APBA2: variants seen among roughly 807,000 people sequenced by gnomAD.
The protein encoded by APBA2 is amyloid-beta A4 precursor protein-binding family A member 2.
Under a neutral mutation model 75.0 loss-of-function variants are expected in APBA2, and 30 were observed. That is an observed-to-expected ratio of 0.40 (90% CI 0.30 to 0.54). The LOEUF (loss-of-function observed/expected upper bound fraction) is 0.54. APBA2 is among the 20% of genes least tolerant of loss of function. The probability of loss-of-function intolerance (pLI) is 0.49; values close to 1 mark genes in which losing one functional copy is unlikely to be tolerated. For missense variants in APBA2, 801 were observed against 1,016.1 expected (o/e 0.79, Z 2.88); for synonymous variants, 444 against 409.6 (o/e 1.08, Z -1.01).
chr15:29,093,037 C>G (rs1405397178), intron 6 of APBA2, 38 bp from the exon 7 acceptor site: 1 of 1,613,606 alleles, frequency 6.2e-7, no homozygotes, highest in South Asian at 1.1e-5. Context: ...CAGGGGACTT[C>G]TCCTCTAGGA....
chr15:28,976,279 T>C (rs2037332639), intron 2 of APBA2, among the ~76,000 whole-genome samples: 1 of 152,250 alleles, frequency 6.6e-6, no homozygotes, highest in Non-Finnish European at 1.5e-5. Context: ...CTGCATGTAA[T>C]GACAGTTGGC....
chr15:28,978,063 A>G (rs890514193), intron 2 of APBA2, among the ~76,000 whole-genome samples: 2 of 152,200 alleles, frequency 1.3e-5, no homozygotes, highest in African/African-American at 2.4e-5. Context: ...GGGTGTGGTG[A>G]GGGCTTAGGC....
chr15:29,021,811 C>G (rs545364942), intron 3 of APBA2, among the ~76,000 whole-genome samples: 1 of 152,026 alleles, frequency 6.6e-6, no homozygotes, highest in Non-Finnish European at 1.5e-5. Flanking sequence ...CTTCCCCTAC[C>G]CCCAGCTCCT....
chr15:29,054,877 G>T lies in APBA2; in HGVS notation c.951+42G>T. On this transcript the variant is annotated intron_variant, in intron 4 of 14. Coordinates refer to ENST00000683413, the MANE Select transcript of APBA2 (RefSeq NM_001353788.2). This position sits in a 1 kb window ranked among gnomAD's most constrained non-coding sequence, Gnocchi z 6.1. Reference sequence around the variant, plus strand: ...CCTGGGGAAGGGAGCAGAGGGGCCCGAGAGCAAGGGACCTCAGGGTACAGG... The same window carrying T: ...CCTGGGGAAGGGAGCAGAGGGGCCCTAGAGCAAGGGACCTCAGGGTACAGG... 3.9e-6 allele frequency: 6 copies of T among 1,557,498 alleles called. No individual in the cohort carries two copies. Among genetic ancestry groups the T allele is most frequent in the Non-Finnish European group, 5.2e-6 (6 of 1,153,378 alleles).
At chr15:28,969,091 GGAGAC>G (rs1322583605) in intron 2 of APBA2, among the ~76,000 whole-genome samples, 2 of 147,638 alleles carry the variant, frequency 1.4e-5, no homozygotes, top group Non-Finnish European at 3.0e-5. Flanking sequence ...CGCAACATAG[GGAGAC>G]CCTGTCTACA....
chr15:29,088,797 C>A (rs2043413620), intron 6 of APBA2, among the ~76,000 whole-genome samples: 2 of 152,178 alleles, frequency 1.3e-5, no homozygotes, highest in African/African-American at 4.8e-5. Context: ...AGGGTCCTCA[C>A]ATCTGGCCAG....
At chr15:28,906,559 A>G (rs1228507567) in intron 1 of APBA2, among the ~76,000 whole-genome samples, 1 of 152,176 alleles carries the variant, frequency 6.6e-6, no homozygotes, top group Non-Finnish European at 1.5e-5. Flanking sequence ...GTCAACAGAT[A>G]TTGCCAAGTT....
intron 4 of APBA2, among the ~76,000 whole-genome samples, chr15:29,062,254 A>C (rs2042160362): frequency 6.6e-6 from 1 of 152,110 alleles, no homozygotes; most frequent in African/African-American, 2.4e-5. Flanking sequence ...CCTGCTCTGC[A>C]TACGGGGAGG....
intron 6 of APBA2, among the ~76,000 whole-genome samples, chr15:29,084,955 C>T (rs1254997398): frequency 1.3e-5 from 2 of 152,076 alleles, no homozygotes; most frequent in Non-Finnish European, 1.5e-5. Context: ...CAAAAACTTT[C>T]GTACATATTT....
chr15:28,899,437 T>C (rs1278913373), intron 1 of APBA2, among the ~76,000 whole-genome samples: 3 of 152,254 alleles, frequency 2.0e-5, no homozygotes, highest in African/African-American at 4.8e-5. Context: ...CTGACGACTG[T>C]TGACCTCGTA....
intron 13 of APBA2, among the ~76,000 whole-genome samples, chr15:29,110,109 C>A (rs28589633): frequency 0.063 from 9,627 of 152,308 alleles, 1,028 homozygotes; most frequent in African/African-American, 0.22. Context: ...AGCTGCTGTG[C>A]GCACTTTGTG....
intron 13 of APBA2, among the ~76,000 whole-genome samples, chr15:29,110,135 G>A (rs3794511): frequency 0.14 from 21,448 of 152,280 alleles, 1,748 homozygotes; most frequent in East Asian, 0.31. Flanking sequence ...GCATGGCTGG[G>A]CCCCAGGGAG....
intron 2 of APBA2, among the ~76,000 whole-genome samples, chr15:28,952,548 TG>T (rs1177660602): frequency 6.6e-6 from 1 of 152,140 alleles, no homozygotes; most frequent in Non-Finnish European, 1.5e-5. Flanking sequence ...AAGGAGTATC[TG>T]GGGTACCTGC....
chr15:28,994,666 A>G (rs2038414955), intron 2 of APBA2, among the ~76,000 whole-genome samples: 1 of 152,202 alleles, frequency 6.6e-6, no homozygotes, highest in African/African-American at 2.4e-5. Flanking sequence ...TTTCGTAATT[A>G]TAACCCTCTG....
intron 2 of APBA2, among the ~76,000 whole-genome samples, chr15:28,951,771 CAG>C (rs1349655854): frequency 6.7e-6 from 1 of 150,274 alleles, no homozygotes; most frequent in East Asian, 2.0e-4. Context: ...TTTTAGTAGA[CAG>C]AGTTTCACCA....
intron 2 of APBA2, among the ~76,000 whole-genome samples, chr15:28,946,274 T>C (rs142102811): frequency 1.3e-3 from 199 of 152,280 alleles, no homozygotes; most frequent in African/African-American, 4.5e-3. Context: ...GATCTTGAGA[T>C]GGAGAGATTA....
chr15:29,075,967 CT>C, intron 5 of APBA2, 87 bp from the exon 6 acceptor site: 1 of 1,211,730 alleles, frequency 8.3e-7, no homozygotes, highest in South Asian at 1.2e-5. Flanking sequence ...CTCATTATGG[CT>C]CATATCACAG....
Position 29,117,882 on chromosome 15 carries a change from CAG to C in APBA2, c.*753_*754del, listed in dbSNP as rs1371112925. On this transcript the variant is annotated 3_prime_UTR_variant, in exon 15 of 15. Transcript: ENST00000683413. Reference sequence around the variant, plus strand: ...GCTGCATACCCGGGCAGGGCTCCCACAGAGACAAGGAGGGCACAGGTGTCTGC... The same window carrying C: ...GCTGCATACCCGGGCAGGGCTCCCACAGACAAGGAGGGCACAGGTGTCTGC... The C allele has an allele frequency of 1.3e-5, 2 of 150,714 alleles. No homozygotes were observed. Among genetic ancestry groups the C allele is most frequent in the African/African-American group, 5.0e-5 (2 of 40,000 alleles). 9.3% of individuals were successfully genotyped at this position (150,714 alleles called of 1,614,324 possible).
chr15:28,940,545 T>A (rs1334001483), intron 2 of APBA2, among the ~76,000 whole-genome samples: 14 of 140,922 alleles, frequency 9.9e-5, no homozygotes, highest in Non-Finnish European at 1.5e-4. Context: ...AGAGCGAGAC[T>A]CTGTATCAAA....
Sources: allele counts gnomAD v4.1 joint callset (sites outside exome capture counted in the v4.1 genomes callset), GRCh38; gene constraint gnomAD v4.1.1; non-coding constraint Gnocchi (gnomAD v3.1); transcripts MANE v1.5; gene names NCBI Gene and HGNC (gene_info 2026-07-23, HGNC 2026-07-21).